The following RBFOX1 variants were observed in gnomAD, a reference collection of about 807,000 sequenced individuals.
RBFOX1 encodes the protein RNA binding protein fox-1 homolog 1.
A neutral mutation model predicts 57.7 loss-of-function variants in RBFOX1; 8 were observed. That is an observed-to-expected ratio of 0.14 (90% CI 0.08 to 0.25). The LOEUF (loss-of-function observed/expected upper bound fraction) is 0.25. Ranked by LOEUF, RBFOX1 falls within the 10% of genes least tolerant of loss-of-function variation. RBFOX1 has a pLI of 1.00. For synonymous variants in RBFOX1, 326 were observed against 222.4 expected, an observed-to-expected ratio of 1.47 and a Z score of -4.15; for missense variants, 611 against 548.5, an observed-to-expected ratio of 1.11 and a Z score of -1.14.
chr16:6,497,681 T>A (rs939989046), intron 2 of RBFOX1, among the ~76,000 whole-genome samples: 50 of 151,956 alleles, frequency 3.3e-4, no homozygotes, highest in African/African-American at 1.2e-3. Context: ...CTCAGCCTCC[T>A]GAGTAGCTGA....
chr16:7,359,555 T>C (rs1394788861), intron 4 of RBFOX1, among the ~76,000 whole-genome samples: 1 of 152,246 alleles, frequency 6.6e-6, no homozygotes, highest in Non-Finnish European at 1.5e-5. Context: ...GTGAATCATC[T>C]GAAGTACCCA....
At chr16:6,570,933 A>G (rs2097336349) in intron 2 of RBFOX1, among the ~76,000 whole-genome samples, 1 of 152,184 alleles carries the variant, frequency 6.6e-6, no homozygotes. Context: ...AATAACGGTT[A>G]TATTGCTCAT....
intron 2 of RBFOX1, among the ~76,000 whole-genome samples, chr16:6,393,754 A>C (rs1026090350): frequency 5.9e-5 from 9 of 152,126 alleles, no homozygotes; most frequent in Non-Finnish European, 1.2e-4. Context: ...TGTGTTCCTT[A>C]CCTCATCATG....
chr16:6,587,521 A>T (rs1337846257), intron 2 of RBFOX1, among the ~76,000 whole-genome samples: 1 of 152,076 alleles, frequency 6.6e-6, no homozygotes, highest in Non-Finnish European at 1.5e-5. Context: ...ACCTAAAGTG[A>T]TCCACCTGCC....
chr16:6,826,916 A>G (rs1405349121), intron 3 of RBFOX1, among the ~76,000 whole-genome samples: 1 of 152,184 alleles, frequency 6.6e-6, no homozygotes, highest in Admixed American at 6.5e-5. Flanking sequence ...TGAATCTCTG[A>G]TGTTCCATTT....
intron 2 of RBFOX1, among the ~76,000 whole-genome samples, chr16:6,624,860 C>G (rs1002875696): frequency 6.6e-6 from 1 of 152,074 alleles, no homozygotes; most frequent in Non-Finnish European, 1.5e-5. Context: ...AGCCCTTTGT[C>G]TTCTAAGAAA....
intron 12 of RBFOX1, among the ~76,000 whole-genome samples, chr16:7,661,500 T>A (rs559477240): frequency 1.3e-5 from 2 of 152,314 alleles, no homozygotes; most frequent in East Asian, 3.9e-4. Flanking sequence ...TCTGTGCCAT[T>A]TGCTTAGCCT....
intron 14 of RBFOX1, among the ~76,000 whole-genome samples, chr16:7,700,855 C>G (rs761198383): frequency 4.8e-4 from 73 of 152,050 alleles, no homozygotes; most frequent in Non-Finnish European, 9.4e-4. Context: ...TTTTGAATGG[C>G]ATTGGTGGGC....
intron 10 of RBFOX1, among the ~76,000 whole-genome samples, chr16:7,621,132 G>C (rs1178715168): frequency 6.6e-6 from 1 of 152,092 alleles, no homozygotes; most frequent in African/African-American, 2.4e-5. Context: ...GGCCCTAGTA[G>C]TCTTATCATC....
chr16:5,881,768 C>T (rs369521287), intron 4 of RBFOX1, among the ~76,000 whole-genome samples: 57 of 152,242 alleles, frequency 3.7e-4, no homozygotes, highest in East Asian at 2.9e-3. Context: ...AGACTTCATA[C>T]GCACTATTTC....
At chr16:7,049,017 C>A (rs550321493) in intron 3 of RBFOX1, among the ~76,000 whole-genome samples, 16 of 152,102 alleles carry the variant, frequency 1.1e-4, no homozygotes, top group African/African-American at 3.9e-4. Context: ...TAGTTCAATT[C>A]TCAAAGCTTA....
chr16:6,576,227 C>T (rs1344850901), intron 2 of RBFOX1, among the ~76,000 whole-genome samples: 7 of 152,156 alleles, frequency 4.6e-5, no homozygotes, highest in Non-Finnish European at 1.5e-5. Context: ...CCTGTCGTAG[C>T]ATCTCAGGGC....
intron 3 of RBFOX1, among the ~76,000 whole-genome samples, chr16:6,944,397 GAAAAAAAAA>G (rs199499186): frequency 0.1 from 11,030 of 106,140 alleles, 462 homozygotes; most frequent in African/African-American, 0.13. Flanking sequence ...CCATCTCAGA[GAAAAAAAAA>G]AAAAAAAAAG....
chr16:6,580,889 C>G (rs12444756), intron 2 of RBFOX1, among the ~76,000 whole-genome samples: 65,118 of 145,682 alleles, frequency 0.45, 15,374 homozygotes, highest in East Asian at 0.67. Context: ...AAAGACCCTG[C>G]ATATCTCATT....
In RBFOX1 at chr16:5,718,497, G is replaced by C. The variant is rs114080426; in HGVS notation, c.318+119536G>C. Among the ~76,000 whole-genome samples, 1,028 of 152,366 alleles carry C rather than the reference G, an allele frequency of 6.7e-3. 8 individuals are homozygous for C. Among genetic ancestry groups the C allele is most frequent in the African/African-American group, 0.022 (927 of 41,584 alleles). On this transcript the variant is annotated intron_variant, in intron 3 of 19. Coordinates refer to the RBFOX1 transcript ENST00000641259. ...CTCTTTAGATGTGAGCTCCATGAAG[G>C]CTGGGCTATTGTGAAATACAAGGCT... is the stretch of plus-strand genomic sequence containing the variant.
intron 5 of RBFOX1, among the ~76,000 whole-genome samples, chr16:7,546,831 C>G (rs1022284083): frequency 6.6e-6 from 1 of 152,152 alleles, no homozygotes; most frequent in African/African-American, 2.4e-5. Context: ...TTCACTGTGA[C>G]AAATATCACC....
intron 3 of RBFOX1, among the ~76,000 whole-genome samples, chr16:6,944,365 A>T (rs965857183): frequency 6.7e-6 from 1 of 150,042 alleles, no homozygotes; most frequent in African/African-American, 2.5e-5. Flanking sequence ...GTTGTACTCC[A>T]GCCTGGCAAC....
At chr16:5,970,933 A>G (rs1567205312) in intron 4 of RBFOX1, among the ~76,000 whole-genome samples, 1 of 152,220 alleles carries the variant, frequency 6.6e-6, no homozygotes. Context: ...ACCCTAAAGC[A>G]CATATCCCAA....
intron 1 of RBFOX1, among the ~76,000 whole-genome samples, chr16:5,298,128 C>T (rs1027727844): frequency 1.3e-5 from 2 of 152,160 alleles, no homozygotes; most frequent in African/African-American, 2.4e-5. Context: ...AAGGCAGCCA[C>T]ACCTAAGTGC....
Sources: gnomAD v4.1 joint callset for allele counts (sites outside exome capture counted in the v4.1 genomes callset) on GRCh38, gnomAD v4.1.1 for gene constraint, MANE v1.5 for transcripts, NCBI Gene and HGNC (gene_info 2026-07-23, HGNC 2026-07-21) for gene names.